SYPL1: variants seen among roughly 807,000 people sequenced by gnomAD.
The protein encoded by SYPL1 is synaptophysin like 1.
In SYPL1, 6 loss-of-function variants were observed where a neutral mutation model predicts 23.7. The observed-to-expected ratio is 0.25, with a 90% CI of 0.14 to 0.50. The LOEUF (loss-of-function observed/expected upper bound fraction) is 0.50. Among genes scored for constraint, SYPL1 ranks in the 20% least tolerant of loss-of-function variants. The pLI, the probability that SYPL1 is intolerant of heterozygous loss-of-function variation, is 0.98. For synonymous variants in SYPL1, 102 were observed against 104.5 expected, an observed-to-expected ratio of 0.98 and a Z score of 0.15; for missense variants, 253 against 288.9, an observed-to-expected ratio of 0.88 and a Z score of 0.90.
Position 106,095,082 on chromosome 7 carries a change from A to C in SYPL1, c.403-1945T>G, listed in dbSNP as rs1209838958. ...AGATTTTTAGAATTTGGGATACCCT[A>C]ATTTTGTTTGGATTCATTTTCTGGT... On this transcript the variant is annotated intron_variant, in intron 3 of 4. Coordinates refer to ENST00000455385, the MANE Select transcript of SYPL1 (RefSeq NM_182715.4). This position sits in a 1 kb window ranked among gnomAD's most constrained non-coding sequence, Gnocchi z 4.3. Among the ~76,000 whole-genome samples, 1 of 152,010 alleles carries C rather than the reference A, an allele frequency of 6.6e-6. No homozygotes were observed. Among genetic ancestry groups the C allele is most frequent in the Non-Finnish European group, 1.5e-5 (1 of 68,014 alleles).
intron 2 of SYPL1, among the ~76,000 whole-genome samples, 180 bp from the exon 3 acceptor site, chr7:106,098,077 A>G (rs1366094240): frequency 6.6e-6 from 1 of 152,232 alleles, no homozygotes; most frequent in Non-Finnish European, 1.5e-5. Flanking sequence ...ATAAATGTAT[A>G]TGTTATACCT....
At chr7:106,106,604 G>T (rs1214966312) in intron 1 of SYPL1, among the ~76,000 whole-genome samples, 1 of 151,552 alleles carries the variant, frequency 6.6e-6, no homozygotes, top group Non-Finnish European at 1.5e-5. Context: ...TCAGCATTTT[G>T]GGAGGCCAAG....
chr7:106,112,378 G>C, upstream of SYPL1: 1 of 1,304,644 alleles, frequency 7.7e-7, no homozygotes, highest in Non-Finnish European at 9.7e-7. Flanking sequence ...GGCGGCGGTT[G>C]AGCTGCTGGC....
At chr7:106,098,160 T>C (rs1840126372) in intron 2 of SYPL1, among the ~76,000 whole-genome samples, 1 of 152,234 alleles carries the variant, frequency 6.6e-6, no homozygotes, top group Admixed American at 6.5e-5. Context: ...CTTCCTGCAG[T>C]AAACAATTAG....
chr7:106,099,371 CTGAT>C, intron 1 of SYPL1, 89 bp from the exon 2 acceptor site: 1 of 1,419,126 alleles, frequency 7.0e-7, no homozygotes, highest in Non-Finnish European at 9.5e-7. Context: ...TGTAAGCACA[CTGAT>C]TATTAAAAAT....
Position 106,093,483 on chromosome 7 carries a change from C to T in SYPL1, c.403-346G>A, listed in dbSNP as rs994797595. Among the ~76,000 whole-genome samples, 7 of 152,286 alleles carry T rather than the reference C, an allele frequency of 4.6e-5. No homozygotes were observed. The East Asian group carries it at 9.6e-4, about 21-fold the overall frequency. On this transcript the variant is annotated intron_variant, in intron 3 of 4. Coordinates refer to ENST00000455385, the MANE Select transcript of SYPL1 (RefSeq NM_182715.4). The stretch of plus-strand genomic sequence containing the variant: ...TGTCATCACCAATAACTGTATCCTT[C>T]CATACTCTGTTTTGATCATCCCATT...
chr7:106,112,519 T>C (rs1481169299), upstream of SYPL1: 2 of 1,521,906 alleles, frequency 1.3e-6, no homozygotes, highest in Non-Finnish European at 1.8e-6. Context: ...CAAGTAGATG[T>C]TGGGCGCCAT....
chr7:106,110,623 A>C (rs1224031535), intron 1 of SYPL1, among the ~76,000 whole-genome samples: 1 of 152,254 alleles, frequency 6.6e-6, no homozygotes, highest in Non-Finnish European at 1.5e-5. Context: ...CTCCTGTGTA[A>C]TAACAAGCTG....
intron 4 of SYPL1, chr7:106,092,672 C>CAAA (rs549863505): frequency 4.9e-3 from 1,318 of 270,578 alleles, no homozygotes; most frequent in South Asian, 8.9e-3. Flanking sequence ...AACTCCATCT[C>CAAA]AAAAAAAAAA....
At chr7:106,092,512 G>T in intron 4 of SYPL1, 1 of 287,146 alleles carries the variant, frequency 3.5e-6, no homozygotes, top group Non-Finnish European at 6.8e-6. Flanking sequence ...CTCTACTGAA[G>T]ATACAAAAGA....
At chr7:106,093,253 T>C in intron 3 of SYPL1, 116 bp from the exon 4 acceptor site, 2 of 962,548 alleles carry the variant, frequency 2.1e-6, no homozygotes, top group South Asian at 4.2e-5. Context: ...GAAATGGCCT[T>C]CATGATATAC....
At chr7:106,098,958 T>C (rs1840167557) in intron 2 of SYPL1, among the ~76,000 whole-genome samples, 200 bp downstream of exon 2, 1 of 152,234 alleles carries the variant, frequency 6.6e-6, no homozygotes, top group African/African-American at 2.4e-5. Flanking sequence ...TCACTTTCTG[T>C]ACTATTTTGT....
At chr7:106,112,374 G>GGCGGCA, upstream of SYPL1, 4 of 1,287,220 alleles carry the variant, frequency 3.1e-6, no homozygotes, top group Non-Finnish European at 3.9e-6. Context: ...GAGCGGCGGC[G>GGCGGCA]GTTGAGCTGC....
chr7:106,091,973 T>C lies in SYPL1; in HGVS notation c.592-34A>G. 1 of 1,569,106 alleles carries C rather than the reference T, an allele frequency of 6.4e-7. No homozygotes were observed. Among genetic ancestry groups the C allele is most frequent in the Non-Finnish European group, 8.6e-7 (1 of 1,161,440 alleles). ...GAGAAAAAGAAATATGAAAATCAAA[T>C]ACCTACTTATAAAAATTCATGCCCT... On this transcript the variant is annotated intron_variant, in intron 4 of 4. Coordinates refer to ENST00000455385, the MANE Select transcript of SYPL1 (RefSeq NM_182715.4). This position sits in a 1 kb window ranked among gnomAD's most constrained non-coding sequence, Gnocchi z 5.0.
chr7:106,108,424 C>T (rs2116207372), intron 1 of SYPL1, among the ~76,000 whole-genome samples: 1 of 152,160 alleles, frequency 6.6e-6, no homozygotes, highest in South Asian at 2.1e-4. Flanking sequence ...TTGATATAGG[C>T]TCAACTTGAT....
At chr7:106,111,825 A>C (rs1056412469) in intron 1 of SYPL1, 3 of 173,246 alleles carry the variant, frequency 1.7e-5, no homozygotes, top group Admixed American at 1.3e-4. Context: ...CCTCTGCGGG[A>C]GGCAGTGGAG....
rs1840113517 is a variant in SYPL1 at position 106,097,958 on chromosome 7, A to G, written c.195-61T>C. On this transcript the variant is annotated intron_variant, in intron 2 of 4. Transcript: ENST00000455385. The surrounding 1 kb of genome is among the most constrained non-coding windows in gnomAD (Gnocchi z 4.6). Reference sequence around the variant, plus strand: ...CAACAGAGACAGAAACATTTAAGCAAAACAATGAGTGACACTTCAAAAAAT... The same window carrying G: ...CAACAGAGACAGAAACATTTAAGCAGAACAATGAGTGACACTTCAAAAAAT... 3.3e-5 allele frequency: 46 copies of G among 1,396,386 alleles called. No individual in the cohort carries two copies. The highest frequency in any genetic ancestry group is 4.5e-5 in the Non-Finnish European group (45 of 1,010,334). 86.5% of individuals were successfully genotyped at this position (1,396,386 alleles called of 1,614,324 possible). A position where few individuals can be genotyped will look rare whatever the true frequency, so the allele number is the denominator to read the frequency against.
Position 106,109,459 on chromosome 7 carries a change from T to C in SYPL1, c.69+2681A>G, listed in dbSNP as rs1219150541. Among the ~76,000 whole-genome samples, 1 of 152,222 alleles carries C rather than the reference T, an allele frequency of 6.6e-6. No homozygotes were observed. The highest frequency in any genetic ancestry group is 1.5e-5 in the Non-Finnish European group (1 of 68,036). On this transcript the variant is annotated intron_variant, in intron 1 of 4. Transcript: ENST00000455385. This position sits in a 1 kb window ranked among gnomAD's most constrained non-coding sequence, Gnocchi z 4.3. The stretch of plus-strand genomic sequence containing the variant: ...CTTACGTTTTGGGGTACTCTTTTCT[T>C]GAAATTCTAATAGTGATGCCAAGGC...
intron 1 of SYPL1, among the ~76,000 whole-genome samples, chr7:106,099,907 G>C (rs1012714321): frequency 1.3e-5 from 2 of 152,048 alleles, no homozygotes; most frequent in Non-Finnish European, 2.9e-5. Context: ...TGCAAACCTC[G>C]ACAAATGTGA....
Sources: gnomAD v4.1 joint callset for allele counts (sites outside exome capture counted in the v4.1 genomes callset) on GRCh38, gnomAD v4.1.1 for gene constraint, Gnocchi (gnomAD v3.1) non-coding constraint, MANE v1.5 for transcripts, NCBI Gene and HGNC (gene_info 2026-07-23, HGNC 2026-07-21) for gene names.